The following FRK variants were observed in gnomAD, a reference collection of about 807,000 sequenced individuals.
The protein encoded by FRK is fyn related Src family tyrosine kinase.
A neutral mutation model predicts 56.4 loss-of-function variants in FRK; 51 were observed. That is an observed-to-expected ratio of 0.90 (90% CI 0.72 to 1.14). The LOEUF (loss-of-function observed/expected upper bound fraction) is 1.14. Among genes scored for constraint, FRK ranks in the 50% most tolerant of loss-of-function variants. The pLI is 0.00. For synonymous variants in FRK, 245 were observed against 217.9 expected, an observed-to-expected ratio of 1.12 and a Z score of -1.10; for missense variants, 570 against 601.4, an observed-to-expected ratio of 0.95 and a Z score of 0.55.
At chr6:115,998,155 CT>C (rs1466090942) in intron 2 of FRK, among the ~76,000 whole-genome samples, 4 of 152,190 alleles carry the variant, frequency 2.6e-5, no homozygotes, top group African/African-American at 9.7e-5. Flanking sequence ...TTGCTTCTGT[CT>C]GCAGAATGCT....
chr6:116,028,834 G>C (rs1224301115), intron 1 of FRK, among the ~76,000 whole-genome samples: 1 of 152,020 alleles, frequency 6.6e-6, no homozygotes, highest in Non-Finnish European at 1.5e-5. Context: ...GACTTTGGGG[G>C]GACATACTTC....
chr6:116,009,633 G>A (rs1028600414), intron 1 of FRK, among the ~76,000 whole-genome samples: 1 of 152,094 alleles, frequency 6.6e-6, no homozygotes, highest in Admixed American at 6.5e-5. Flanking sequence ...TAACCAAGAA[G>A]AAGATTAAAC....
the FRK span, among the ~76,000 whole-genome samples, chr6:116,095,866 C>T: frequency 6.6e-6 from 1 of 152,092 alleles, no homozygotes; most frequent in African/African-American, 2.4e-5. Flanking sequence ...TGCTTTTACA[C>T]TAACCAGTCA....
chr6:116,080,238 C>T, the FRK span, among the ~76,000 whole-genome samples: 1 of 152,146 alleles, frequency 6.6e-6, no homozygotes, highest in Non-Finnish European at 1.5e-5. Flanking sequence ...TCACTGCAAC[C>T]TCCGAATCCC....
intron 1 of FRK, among the ~76,000 whole-genome samples, chr6:116,026,190 A>G (rs1023188801): frequency 1.3e-5 from 2 of 152,134 alleles, no homozygotes; most frequent in African/African-American, 2.4e-5. Context: ...GACAGTACCC[A>G]TAGAAGAGGA....
At chr6:116,083,602 T>G in the FRK span, among the ~76,000 whole-genome samples, 4 of 152,144 alleles carry the variant, frequency 2.6e-5, no homozygotes, top group African/African-American at 9.7e-5. Context: ...TTTATTAAAG[T>G]ACAGATTGCT....
At chr6:116,035,132 C>A (rs1049584149) in intron 1 of FRK, among the ~76,000 whole-genome samples, 3 of 151,846 alleles carry the variant, frequency 2.0e-5, no homozygotes, top group African/African-American at 7.3e-5. Flanking sequence ...GTATAGGCAA[C>A]TTTTTCAGAG....
intron 4 of FRK, among the ~76,000 whole-genome samples, chr6:115,960,132 A>G (rs1219163163): frequency 2.0e-5 from 3 of 151,610 alleles, no homozygotes; most frequent in Non-Finnish European, 4.4e-5. Flanking sequence ...CATCTGAGGT[A>G]CCGGGTTCAT....
intron 5 of FRK, among the ~76,000 whole-genome samples, chr6:115,951,023 G>T (rs1186228431): frequency 6.6e-6 from 1 of 152,282 alleles, no homozygotes; most frequent in Admixed American, 6.5e-5. Context: ...CTGTCAGGGG[G>T]TGTTGAGCAA....
intron 1 of FRK, among the ~76,000 whole-genome samples, chr6:116,010,320 A>C (rs1356673632): frequency 6.6e-6 from 1 of 152,194 alleles, no homozygotes; most frequent in Non-Finnish European, 1.5e-5. Flanking sequence ...TTTACTCTGC[A>C]TTCTTCTCTA....
At position 115,939,081 on chromosome 6, in the gene FRK, A is replaced by T. The variant is rs943920049; in HGVS notation, c.*3333T>A. On this transcript the variant is annotated 3_prime_UTR_variant, in exon 8 of 8. Transcript: ENST00000606080. ...ATCCCTGACGAACATCCATGCAAAA[A>T]TCCTCAATAAAATACTGGCAAACTG... 6.6e-6 allele frequency: 1 copy of T among 152,094 alleles called. No individual in the cohort carries two copies. 9.4% of individuals were successfully genotyped at this position (152,094 alleles called of 1,614,324 possible).
intron 5 of FRK, among the ~76,000 whole-genome samples, chr6:115,952,368 T>C (rs1172620806): frequency 6.6e-6 from 1 of 151,924 alleles, no homozygotes; most frequent in Non-Finnish European, 1.5e-5. Flanking sequence ...AAAACCACAA[T>C]GAAATACCAT....
At chr6:116,009,447 G>T (rs1032744345) in intron 1 of FRK, among the ~76,000 whole-genome samples, 1 of 152,210 alleles carries the variant, frequency 6.6e-6, no homozygotes, top group Non-Finnish European at 1.5e-5. Context: ...TATAAAAATA[G>T]TAAACCAATT....
the FRK span, among the ~76,000 whole-genome samples, chr6:116,074,314 G>A: frequency 6.6e-6 from 1 of 152,122 alleles, no homozygotes; most frequent in Non-Finnish European, 1.5e-5. Context: ...GGTTACCAGG[G>A]ACTGAGGGTC....
intron 1 of FRK, among the ~76,000 whole-genome samples, chr6:116,057,573 G>C (rs1465190879): frequency 1.3e-5 from 2 of 152,164 alleles, no homozygotes; most frequent in Non-Finnish European, 2.9e-5. Flanking sequence ...AAAACAAGTA[G>C]CCTGTTCCAG....
At chr6:115,967,256 T>C (rs1773617028) in intron 4 of FRK, among the ~76,000 whole-genome samples, 1 of 152,172 alleles carries the variant, frequency 6.6e-6, no homozygotes, top group South Asian at 2.1e-4. Context: ...TAACTAAGGC[T>C]AGGAACAAAA....
At chr6:116,023,520 A>C (rs1055775325) in intron 1 of FRK, among the ~76,000 whole-genome samples, 4 of 152,222 alleles carry the variant, frequency 2.6e-5, no homozygotes, top group Non-Finnish European at 5.9e-5. Context: ...CAAGCCAAAG[A>C]AGCAAGACAC....
At chr6:116,039,935 C>A (rs1411232017) in intron 1 of FRK, among the ~76,000 whole-genome samples, 1 of 146,024 alleles carries the variant, frequency 6.8e-6, no homozygotes, top group South Asian at 2.2e-4. Flanking sequence ...GGAATAAACA[C>A]CTGGCACTAA....
chr6:116,081,484 C>A, the FRK span, among the ~76,000 whole-genome samples: 1 of 151,942 alleles, frequency 6.6e-6, no homozygotes, highest in South Asian at 2.1e-4. Context: ...TGGTGAAAAC[C>A]CTGTCTCTAA....
Sources: gnomAD v4.1 joint callset for allele counts (sites outside exome capture counted in the v4.1 genomes callset) on GRCh38, gnomAD v4.1.1 for gene constraint, MANE v1.5 for transcripts, NCBI Gene and HGNC (gene_info 2026-07-23, HGNC 2026-07-21) for gene names.